The following ARMH1 variants were observed in gnomAD, a reference collection of about 807,000 sequenced individuals.
ARMH1 encodes armadillo like helical domain containing 1, also known as armadillo-like helical domain containing protein 1.
Under a neutral mutation model 50.2 loss-of-function variants are expected in ARMH1, and 34 were observed. The ratio of observed to expected loss-of-function variants is 0.68; its 90% CI spans 0.51 to 0.90. The LOEUF (loss-of-function observed/expected upper bound fraction) is 0.90, where lower values mean the gene tolerates loss of function less well. ARMH1 is among the 40% of genes least tolerant of loss of function. ARMH1 has a pLI of 0.00. For synonymous variants in ARMH1, 221 were observed against 224.2 expected (o/e 0.99, Z 0.13); for missense variants, 538 against 553.9 (o/e 0.97, Z 0.29).
At chr1:44,692,629 C>T (rs1645695625) in intron 2 of ARMH1, among the ~76,000 whole-genome samples, 1 of 152,176 alleles carries the variant, frequency 6.6e-6, no homozygotes, top group Non-Finnish European at 1.5e-5. Flanking sequence ...CTCTTTCTTA[C>T]ATTTAAGTTA....
intron 5 of ARMH1, 39 bp downstream of exon 5, chr1:44,701,158 A>G: frequency 6.7e-7 from 1 of 1,498,564 alleles, no homozygotes; most frequent in Non-Finnish European, 8.9e-7. Flanking sequence ...TCTGATTCAG[A>G]TGCAATAATC....
intron 6 of ARMH1, among the ~76,000 whole-genome samples, chr1:44,715,298 C>T (rs1034437312): frequency 8.5e-5 from 13 of 152,190 alleles, no homozygotes; most frequent in Non-Finnish European, 1.6e-4. Flanking sequence ...AGGTACAATG[C>T]CATTTCTATG....
chr1:44,723,628 T>C (rs1647736103), intron 6 of ARMH1, among the ~76,000 whole-genome samples: 1 of 152,200 alleles, frequency 6.6e-6, no homozygotes, highest in Admixed American at 6.5e-5. Flanking sequence ...GGGTGCTGTA[T>C]GGAAAGCCTG....
chr1:44,722,425 G>A (rs1647420788), intron 6 of ARMH1, among the ~76,000 whole-genome samples: 1 of 152,128 alleles, frequency 6.6e-6, no homozygotes, highest in Admixed American at 6.5e-5. Flanking sequence ...AAAAAGTCCA[G>A]GCGTGGTGGC....
intron 6 of ARMH1, chr1:44,723,811 C>T (rs1374933580): frequency 3.3e-6 from 1 of 306,928 alleles, no homozygotes; most frequent in African/African-American, 2.2e-5. Flanking sequence ...AGACCCAGCC[C>T]TTCCCTCCTC....
At chr1:44,705,153 A>G (rs1381675407) in intron 6 of ARMH1, among the ~76,000 whole-genome samples, 2 of 151,914 alleles carry the variant, frequency 1.3e-5, no homozygotes, top group East Asian at 3.9e-4. Context: ...GAGAACTTCT[A>G]TGTGCCAGCC....
intron 1 of ARMH1, among the ~76,000 whole-genome samples, chr1:44,679,927 T>C (rs1645252823): frequency 6.6e-6 from 1 of 152,172 alleles, no homozygotes; most frequent in South Asian, 2.1e-4. Flanking sequence ...GAACTCACAC[T>C]CTAGTGGGAA....
intron 6 of ARMH1, among the ~76,000 whole-genome samples, chr1:44,719,728 G>A (rs1031344803): frequency 6.6e-6 from 1 of 152,222 alleles, no homozygotes; most frequent in Non-Finnish European, 1.5e-5. Flanking sequence ...GTAAATCCAC[G>A]CAGTCCACAT....
chr1:44,687,878 T>A (rs773462567), intron 1 of ARMH1, among the ~76,000 whole-genome samples: 1 of 152,220 alleles, frequency 6.6e-6, no homozygotes, highest in Non-Finnish European at 1.5e-5. Context: ...TGTGCCCTGC[T>A]TAGAGGTCCC....
intron 6 of ARMH1, among the ~76,000 whole-genome samples, chr1:44,708,802 C>G (rs938487994): frequency 1.3e-5 from 2 of 152,078 alleles, no homozygotes; most frequent in African/African-American, 4.8e-5. Flanking sequence ...TGCTCTCCTT[C>G]CCATTATGAG....
Position 44,724,192 on chromosome 1 carries a change from G to A in ARMH1, c.795G>A (p.Leu265=), listed in dbSNP as rs1002528413. ...RQALLKGLVA[L]LIPSVKEISK... ...CGCTGCTCAAGGGCCTCGTGGCGCT[G>A]CTGATACCGTCGGTCAAGGAGATCT... is the stretch of plus-strand genomic sequence containing the variant. Residue 265 remains leucine (L), a synonymous_variant, in exon 7 of 12, where the codon CTG becomes CTA. Coordinates refer to ENST00000535358, the MANE Select transcript of ARMH1 (RefSeq NM_001145636.2). The surrounding 1 kb of genome is among the most constrained non-coding windows in gnomAD (Gnocchi z 6.4). 15 of 1,551,618 alleles carry A rather than the reference G, an allele frequency of 9.7e-6. No individual in the cohort carries two copies. Among genetic ancestry groups the A allele is most frequent in the Non-Finnish European group, 1.3e-5 (15 of 1,146,990 alleles).
At chr1:44,704,256 C>A in intron 6 of ARMH1, 83 bp downstream of exon 6, 8 of 1,040,630 alleles carry the variant, frequency 7.7e-6, no homozygotes, top group Non-Finnish European at 1.2e-5. Flanking sequence ...TCACAAAGAG[C>A]CTTGATGTTG....
intron 6 of ARMH1, among the ~76,000 whole-genome samples, chr1:44,704,894 G>A (rs895199085): frequency 2.0e-5 from 3 of 150,108 alleles, no homozygotes; most frequent in Non-Finnish European, 4.4e-5. Flanking sequence ...GAGTGCAGTG[G>A]CGCAATCTCA....
intron 6 of ARMH1, among the ~76,000 whole-genome samples, chr1:44,720,551 G>A (rs1203572712): frequency 6.6e-6 from 1 of 152,228 alleles, no homozygotes; most frequent in East Asian, 1.9e-4. Context: ...TCACACACTA[G>A]TGAGGAGACC....
chr1:44,689,952 G>T, intron 2 of ARMH1, 49 bp downstream of exon 2: 1 of 1,491,544 alleles, frequency 6.7e-7, no homozygotes, highest in Non-Finnish European at 9.1e-7. Context: ...GGGCACGGTG[G>T]CTCACGCCTG....
intron 6 of ARMH1, among the ~76,000 whole-genome samples, chr1:44,709,492 G>GA (rs1240365219): frequency 6.6e-6 from 1 of 152,110 alleles, no homozygotes; most frequent in African/African-American, 2.4e-5. Flanking sequence ...CTAACACGGT[G>GA]AAACCCCATC....
intron 5 of ARMH1, among the ~76,000 whole-genome samples, chr1:44,702,779 G>T (rs1646148600): frequency 6.6e-6 from 1 of 151,800 alleles, no homozygotes; most frequent in Non-Finnish European, 1.5e-5. Context: ...AAGAAAAATA[G>T]GGTTGGAAAA....
At chr1:44,686,522 A>G (rs752650600) in intron 1 of ARMH1, among the ~76,000 whole-genome samples, 2 of 152,040 alleles carry the variant, frequency 1.3e-5, no homozygotes, top group Non-Finnish European at 2.9e-5. Flanking sequence ...CTAAAAATAT[A>G]AAAATTAGCC....
At chr1:44,719,695 C>G (rs1028423920) in intron 6 of ARMH1, among the ~76,000 whole-genome samples, 2 of 152,212 alleles carry the variant, frequency 1.3e-5, no homozygotes, top group Non-Finnish European at 2.9e-5. Context: ...GGAGCTGAAG[C>G]AGAGACCTGT....
Sources: allele counts gnomAD v4.1 joint callset (sites outside exome capture counted in the v4.1 genomes callset), GRCh38; gene constraint gnomAD v4.1.1; non-coding constraint Gnocchi (gnomAD v3.1); transcripts MANE v1.5; gene names NCBI Gene and HGNC (gene_info 2026-07-23, HGNC 2026-07-21).